EXOC4: variants seen among roughly 807,000 people sequenced by gnomAD.
EXOC4 encodes SEC8-like 1.
Under a neutral mutation model 107.2 loss-of-function variants are expected in EXOC4, and 71 were observed. That is an observed-to-expected ratio of 0.66 (90% confidence interval 0.55 to 0.81). EXOC4 has a LOEUF of 0.81. Among genes scored for constraint, EXOC4 ranks in the 30% least tolerant of loss-of-function variants. The pLI is 0.00. For synonymous variants in EXOC4, 456 were observed against 441.2 expected, an observed-to-expected ratio of 1.03 and a Z score of -0.42; for missense variants, 1,108 against 1,189.6, an observed-to-expected ratio of 0.93 and a Z score of 1.01.
At chr7:133,573,072 A>G (rs55796525) in intron 9 of EXOC4, among the ~76,000 whole-genome samples, 4,895 of 152,270 alleles carry the variant, frequency 0.032, 252 homozygotes, top group African/African-American at 0.11. Flanking sequence ...TACCAGTTCT[A>G]AAACAAACAA....
At chr7:133,842,704 T>C (rs926768861) in intron 11 of EXOC4, among the ~76,000 whole-genome samples, 1 of 152,166 alleles carries the variant, frequency 6.6e-6, no homozygotes, top group Admixed American at 6.5e-5. Flanking sequence ...TTATGAAATC[T>C]TTTCCAGGTC....
chr7:133,595,845 G>A (rs1216461058), intron 9 of EXOC4, among the ~76,000 whole-genome samples: 1 of 152,154 alleles, frequency 6.6e-6, no homozygotes, highest in Non-Finnish European at 1.5e-5. Context: ...CTAAGAAGCT[G>A]ATGGAAAGGC....
chr7:134,031,920 A>G (rs769543225), intron 17 of EXOC4, among the ~76,000 whole-genome samples: 8 of 152,226 alleles, frequency 5.3e-5, no homozygotes. Flanking sequence ...GTCCTGGTTT[A>G]AAATACTAAA....
intron 7 of EXOC4, among the ~76,000 whole-genome samples, chr7:133,398,906 A>G (rs181533080): frequency 1.4e-4 from 22 of 152,326 alleles, no homozygotes; most frequent in South Asian, 6.2e-4. Context: ...TTAAGTGCTT[A>G]TTATTTTTTA....
chr7:133,386,353 C>T (rs907435050), intron 7 of EXOC4, among the ~76,000 whole-genome samples: 1 of 152,188 alleles, frequency 6.6e-6, no homozygotes, highest in Non-Finnish European at 1.5e-5. Context: ...ATTGCAATAG[C>T]TGTGACTTCC....
chr7:133,773,067 C>T (rs16874343), intron 10 of EXOC4, among the ~76,000 whole-genome samples: 13,942 of 152,006 alleles, frequency 0.092, 719 homozygotes, highest in African/African-American at 0.13. Flanking sequence ...CCTTAGGTGT[C>T]CCTAGGTCAT....
At chr7:133,379,943 T>C (rs1796575823) in intron 7 of EXOC4, among the ~76,000 whole-genome samples, 1 of 152,068 alleles carries the variant, frequency 6.6e-6, no homozygotes, top group African/African-American at 2.4e-5. Context: ...AAAAATAGGT[T>C]TTTCTGGCAT....
intron 10 of EXOC4, among the ~76,000 whole-genome samples, chr7:133,656,064 C>A (rs746285875): frequency 1.3e-5 from 2 of 152,084 alleles, no homozygotes; most frequent in Non-Finnish European, 2.9e-5. Context: ...CCATTGGAAT[C>A]GTATTGGACC....
At chr7:133,485,898 A>G (rs936708262) in intron 9 of EXOC4, among the ~76,000 whole-genome samples, 2 of 152,158 alleles carry the variant, frequency 1.3e-5, no homozygotes, top group Non-Finnish European at 2.9e-5. Context: ...AATGAGTAAG[A>G]GTATATTAAT....
rs768599900 is a variant in EXOC4, at chr7:133,917,543, C to T, written c.1872-40C>T. 2.5e-6 allele frequency: 4 copies of T among 1,589,662 alleles called. No individual in the cohort carries two copies. The South Asian group carries it at 3.4e-5, about 14-fold the overall frequency. On this transcript the variant is annotated intron_variant, in intron 12 of 17. Transcript: ENST00000253861. ...ATGAAAATGCTAACTGAATACCAGGCATCATGCTACAGTGTCTCTTTTCTA... is the reference window on the plus strand; with the variant it reads ...ATGAAAATGCTAACTGAATACCAGGTATCATGCTACAGTGTCTCTTTTCTA...
chr7:133,461,473 C>T (rs1301500729), intron 7 of EXOC4, among the ~76,000 whole-genome samples: 1 of 152,128 alleles, frequency 6.6e-6, no homozygotes, highest in Non-Finnish European at 1.5e-5. Context: ...ATAAGTGTGA[C>T]AATATTTACA....
chr7:133,254,393 T>C (rs1204125942), intron 1 of EXOC4, among the ~76,000 whole-genome samples: 1 of 152,226 alleles, frequency 6.6e-6, no homozygotes, highest in African/African-American at 2.4e-5. Flanking sequence ...AGGCCCACAT[T>C]CTCGCTGTGA....
intron 10 of EXOC4, among the ~76,000 whole-genome samples, chr7:133,659,794 C>G (rs1287415470): frequency 6.6e-6 from 1 of 152,186 alleles, no homozygotes; most frequent in African/African-American, 2.4e-5. Context: ...AGTCACTTTC[C>G]TCTTCTTTCC....
chr7:133,962,066 A>C (rs1236884726), intron 14 of EXOC4, among the ~76,000 whole-genome samples: 1 of 152,168 alleles, frequency 6.6e-6, no homozygotes, highest in Admixed American at 6.5e-5. Context: ...CCTCTTTGCT[A>C]TCTCCTAGCA....
At chr7:133,371,478 T>G (rs2150684242) in intron 6 of EXOC4, among the ~76,000 whole-genome samples, 1 of 152,230 alleles carries the variant, frequency 6.6e-6, no homozygotes, top group South Asian at 2.1e-4. Flanking sequence ...TTTATATAAC[T>G]ATAATCATAT....
At chr7:133,612,378 C>G (rs1428306378) in intron 9 of EXOC4, among the ~76,000 whole-genome samples, 1 of 152,120 alleles carries the variant, frequency 6.6e-6, no homozygotes, top group Non-Finnish European at 1.5e-5. Context: ...ATTTTACTCT[C>G]TTTATATGCC....
At chr7:134,009,525 G>T (rs1305041809) in intron 17 of EXOC4, among the ~76,000 whole-genome samples, 1 of 152,134 alleles carries the variant, frequency 6.6e-6, no homozygotes, top group Non-Finnish European at 1.5e-5. Flanking sequence ...GAATGAGTGA[G>T]TGTGTGTGTT....
At chr7:133,967,285 A>AT (rs59944932) in intron 14 of EXOC4, among the ~76,000 whole-genome samples, 46 of 151,164 alleles carry the variant, frequency 3.0e-4, no homozygotes, top group South Asian at 1.9e-3. Context: ...GGATTCACTG[A>AT]TTTTTTTTTT....
intron 10 of EXOC4, among the ~76,000 whole-genome samples, chr7:133,703,455 G>T (rs539975044): frequency 1.3e-5 from 2 of 152,272 alleles, no homozygotes; most frequent in Admixed American, 1.3e-4. Flanking sequence ...TCTGCTGGAG[G>T]ATGAGCAGAA....
Sources: gnomAD v4.1 joint callset for allele counts (sites outside exome capture counted in the v4.1 genomes callset) on GRCh38, gnomAD v4.1.1 for gene constraint, MANE v1.5 for transcripts, NCBI Gene and HGNC (gene_info 2026-07-23, HGNC 2026-07-21) for gene names.